The following POLR1C variants were observed in gnomAD, a reference collection of about 807,000 sequenced individuals.
POLR1C encodes RNA polymerase I and III subunit C.
In POLR1C, 42 loss-of-function variants were observed where a neutral mutation model predicts 38.3. That is an observed-to-expected ratio of 1.10 (90% confidence interval 0.86 to 1.42). The LOEUF (loss-of-function observed/expected upper bound fraction) is 1.42, where lower values mean the gene tolerates loss of function less well. POLR1C is among the 40% of genes most tolerant of loss of function. The pLI is 0.00. For synonymous variants in POLR1C, 163 were observed against 163.9 expected (o/e 0.99, Z 0.04); for missense variants, 507 against 450.5 (o/e 1.13, Z -1.14).
In POLR1C at chr6:43,562,227, G is replaced by A. The variant is rs1762455411; in HGVS notation, c.*876G>A. Reference sequence around the variant, plus strand: ...TCCCAAATGGGCTTGAAGCTCTCCAGAAAGCAAACACTAGCTCACCAGCAA... The same window carrying A: ...TCCCAAATGGGCTTGAAGCTCTCCAAAAAGCAAACACTAGCTCACCAGCAA... On this transcript the variant is annotated 3_prime_UTR_variant, in exon 11 of 11. Transcript: ENST00000607635. The A allele has an allele frequency of 5.0e-6, 8 of 1,587,218 alleles. No homozygotes were observed. In the South Asian group the frequency reaches 8.1e-5, roughly 16 times the overall value.
intron 10 of POLR1C, among the ~76,000 whole-genome samples, chr6:43,552,319 G>A (rs953728346): frequency 6.6e-6 from 1 of 151,922 alleles, no homozygotes; most frequent in Non-Finnish European, 1.5e-5. Flanking sequence ...TAGCCTCCAC[G>A]TGCTAGGATT....
rs566468380 is a variant in POLR1C at position 43,517,422 on chromosome 6, C to T, written c.141+45C>T. The T allele has an allele frequency of 1.8e-5, 27 of 1,533,042 alleles. No homozygotes were observed. The South Asian group carries it at 2.6e-4, about 15-fold the overall frequency. 95.0% of individuals were successfully genotyped at this position (1,533,042 alleles called of 1,614,324 possible). ...TCTGGGGAGGGTTATGAAGGCCAGA[C>T]CTTGTGGTCTGAGCAGCCTGTGTCT... On this transcript the variant is annotated intron_variant, in intron 2 of 8. Coordinates refer to ENST00000642195, the MANE Select transcript of POLR1C (RefSeq NM_203290.4).
chr6:43,524,699 T>C, downstream of POLR1C: 1 of 1,591,886 alleles, frequency 6.3e-7, no homozygotes, highest in East Asian at 2.2e-5. Context: ...CCCCATTTCC[T>C]GCCACACCCA....
Position 43,521,230 on chromosome 6 carries a change from A to T in POLR1C, c.971A>T (p.Glu324Val). ...TTGCCACCAGATGTGCTGGTGAGTG[A>T]AGCCATCAAAGTACTGATGGGGAAG... ...GVLPPDVLVS[E>V]AIKVLMGKCR... The change falls in exon 9 of 9, where the codon GAA becomes GTA. Residue 324 changes from glutamate to valine, a missense_variant. Coordinates refer to ENST00000642195, the MANE Select transcript of POLR1C (RefSeq NM_203290.4). 1 of 1,613,868 alleles carries T rather than the reference A, an allele frequency of 6.2e-7. No homozygotes were observed. The highest frequency in any genetic ancestry group is 8.5e-7 in the Non-Finnish European group (1 of 1,180,016).
At chr6:43,550,533 C>T (rs754822748) in intron 9 of POLR1C, among the ~76,000 whole-genome samples, 3 of 152,180 alleles carry the variant, frequency 2.0e-5, no homozygotes, top group African/African-American at 2.4e-5. Context: ...CTAGGTTCCT[C>T]GCTTGACTCA....
downstream of POLR1C, chr6:43,524,539 A>C: frequency 1.2e-6 from 2 of 1,613,876 alleles, no homozygotes; most frequent in African/African-American, 2.7e-5. Flanking sequence ...TTCTGCAGGG[A>C]GGGGTTTAAA....
chr6:43,535,500 A>G (rs1442580243), intron 9 of POLR1C, among the ~76,000 whole-genome samples: 1 of 152,170 alleles, frequency 6.6e-6, no homozygotes, highest in Non-Finnish European at 1.5e-5. Flanking sequence ...ATGCAAACTG[A>G]AAACATCTTT....
chr6:43,520,842 A>G (rs1582183441), intron 7 of POLR1C, 68 bp downstream of exon 7: 1 of 1,605,064 alleles, frequency 6.2e-7, no homozygotes, highest in East Asian at 2.2e-5. Flanking sequence ...GACAGAAATA[A>G]AAACCCTGGG....
downstream of POLR1C, among the ~76,000 whole-genome samples, chr6:43,530,110 A>G (rs1457764129): frequency 6.6e-6 from 1 of 152,106 alleles, no homozygotes; most frequent in African/African-American, 2.4e-5. Context: ...CAAAAAAATT[A>G]GCTGGGCGTA....
chr6:43,553,588 C>A (rs1795365141), intron 10 of POLR1C: 10 of 1,488,836 alleles, frequency 6.7e-6, no homozygotes, highest in South Asian at 2.6e-5. Context: ...CACAGAGAGA[C>A]AATGGAGCCT....
Position 43,548,651 on chromosome 6 carries a change from G to C in POLR1C, c.*5-2317G>C, listed in dbSNP as rs77079432. Among the ~76,000 whole-genome samples the C allele has an allele frequency of 0.011, 1,679 of 151,932 alleles. 33 individuals carry two copies. Among genetic ancestry groups the C allele is most frequent in the African/African-American group, 0.039 (1,617 of 41,432 alleles). On this transcript the variant is annotated intron_variant, in intron 9 of 10. Transcript: ENST00000607635. ...AGCAAGGCAATTTAGGCGGAAGATA[G>C]CTCTTGTCTTGAGTATTTGGATAAC...
exon 9 of POLR1C, chr6:43,529,277 T>C (rs781781920): frequency 3.8e-6 from 5 of 1,330,682 alleles, no homozygotes; most frequent in African/African-American, 1.5e-5. Flanking sequence ...CTGCGGTGGC[T>C]CACACCTGTA....
chr6:43,536,646 G>C (rs932680782), intron 9 of POLR1C, among the ~76,000 whole-genome samples: 1 of 149,794 alleles, frequency 6.7e-6, no homozygotes, highest in African/African-American at 2.5e-5. Flanking sequence ...GTAAATCCCA[G>C]CTACTCAGGA....
rs762136709 is a variant in POLR1C, at chr6:43,521,202, G to T, written c.943G>T (p.Val315Leu). 1.9e-6 allele frequency: 3 copies of T among 1,614,124 alleles called. No homozygotes were observed. The South Asian group carries it at 3.3e-5, about 18-fold the overall frequency. The change falls in exon 9 of 9, where the codon GTG (valine) becomes TTG (leucine). Residue 315 changes from valine to leucine, a missense_variant. Val to Leu is a conservative substitution (Grantham distance 32). Transcript: ENST00000642195. Reference sequence around the variant, plus strand: ...CCCAGTCTCTGTTGAGTCAACGGGGGTGTTGCCACCAGATGTGCTGGTGAG... The same window carrying T: ...CCCAGTCTCTGTTGAGTCAACGGGGTTGTTGCCACCAGATGTGCTGGTGAG... ...HYIFSVESTG[V>L]LPPDVLVSEA... is the part of the protein sequence containing the mutation.
intron 9 of POLR1C, among the ~76,000 whole-genome samples, chr6:43,536,857 C>A (rs1466526834): frequency 7.0e-6 from 1 of 142,810 alleles, no homozygotes; most frequent in Non-Finnish European, 1.5e-5. Context: ...TGGTAGGAAT[C>A]TAATTGTTTT....
downstream of POLR1C, among the ~76,000 whole-genome samples, chr6:43,530,252 GT>G (rs1426686676): frequency 6.6e-6 from 1 of 151,410 alleles, no homozygotes; most frequent in South Asian, 2.1e-4. Context: ...GCAAAACTCT[GT>G]CTCAAAAAAT....
At chr6:43,549,988 A>C (rs1795151864) in intron 9 of POLR1C, 1 of 1,574,064 alleles carries the variant, frequency 6.4e-7, no homozygotes, top group Non-Finnish European at 8.7e-7. Flanking sequence ...TAGAGATGAG[A>C]TCTTGCTATG....
downstream of POLR1C, chr6:43,530,812 T>C (rs1211822823): frequency 3.1e-6 from 5 of 1,612,000 alleles, no homozygotes; most frequent in Admixed American, 5.0e-5. Context: ...CTGCCTTCCC[T>C]AGGATATGAA....
rs559016595 is a variant in POLR1C, at chr6:43,546,344, A to G, written c.*5-4624A>G. 3.3e-5 allele frequency among the ~76,000 whole-genome samples: 5 copies of G among 152,350 alleles called. No individual in the cohort carries two copies. The South Asian group carries it at 8.3e-4, about 25-fold the overall frequency. On this transcript the variant is annotated intron_variant, in intron 9 of 10. Transcript: ENST00000607635. ...ACAAAGAGGAGGCTCAAAATGGGAA[A>G]AGCCCTTTTGGGATTATCCCCTTGG...
Sources: allele counts gnomAD v4.1 joint callset (sites outside exome capture counted in the v4.1 genomes callset), GRCh38; gene constraint gnomAD v4.1.1; transcripts MANE v1.5; gene names NCBI Gene and HGNC (gene_info 2026-07-23, HGNC 2026-07-21).